Variants in LMO7 observed in about 807,000 individuals in gnomAD.
The protein encoded by LMO7 is LIM domain only protein 7.
LMO7 carries 120 observed loss-of-function variants against 206.5 expected under a neutral mutation model. That is an observed-to-expected ratio of 0.58 (90% confidence interval 0.50 to 0.68). The LOEUF (loss-of-function observed/expected upper bound fraction) is 0.68, where lower values mean the gene tolerates loss of function less well. Ranked by LOEUF, LMO7 falls within the 30% of genes least tolerant of loss-of-function variation. The probability of loss-of-function intolerance (pLI) is 0.00; values close to 1 mark genes in which losing one functional copy is unlikely to be tolerated. For missense variants in LMO7, 1,959 were observed against 1,957.9 expected, an observed-to-expected ratio of 1.00 and a Z score of -0.01; for synonymous variants, 706 against 681.5, an observed-to-expected ratio of 1.04 and a Z score of -0.56.
chr13:75,683,565 G>A (rs1456939110), intron 1 of LMO7, among the ~76,000 whole-genome samples: 1 of 152,060 alleles, frequency 6.6e-6, no homozygotes, highest in Non-Finnish European at 1.5e-5. Context: ...AAACCCAAGG[G>A]CAATATCTTA....
rs2055708843 is a variant in LMO7 at position 75,807,546 on chromosome 13, C to A, written c.1263C>A (p.Thr421=). 1.2e-6 allele frequency: 2 copies of A among 1,613,732 alleles called. No individual in the cohort carries two copies. Among genetic ancestry groups the A allele is most frequent in the African/African-American group, 1.3e-5 (1 of 74,886 alleles). Residue 421 remains threonine, a synonymous_variant, in exon 10 of 31, where the codon ACC becomes ACA. Coordinates refer to ENST00000377534, the MANE Select transcript of LMO7 (RefSeq NM_001306080.2). ...ACATCTTGTCTTCTGAAACACATAC[C>A]AAAATTGATCCCACTTCTGGCCCAA... is the stretch of plus-strand genomic sequence containing the variant. ...SDDILSSETH[T]KIDPTSGPRL... is the part of the protein sequence containing the mutation.
intron 4 of LMO7, among the ~76,000 whole-genome samples, chr13:75,763,344 A>C (rs1412162786): frequency 2.0e-5 from 3 of 152,142 alleles, no homozygotes; most frequent in African/African-American, 7.2e-5. Flanking sequence ...TTAGATTTAG[A>C]ATTTCTTGTT....
intron 1 of LMO7, among the ~76,000 whole-genome samples, chr13:75,641,319 T>C (rs1250777487): frequency 3.9e-5 from 6 of 152,236 alleles, no homozygotes; most frequent in Non-Finnish European, 7.3e-5. Flanking sequence ...AATCTTGAAG[T>C]TGCAGACAGC....
At chr13:75,800,541 G>T (rs2140919099) in intron 6 of LMO7, 143 bp from the exon 7 acceptor site, 3 of 676,178 alleles carry the variant, frequency 4.4e-6, no homozygotes, top group Non-Finnish European at 7.5e-6. Flanking sequence ...TCAGCTTTTT[G>T]CTGTGTCCGA....
chr13:75,670,595 T>G (rs1033627831), intron 1 of LMO7, among the ~76,000 whole-genome samples: 1 of 152,126 alleles, frequency 6.6e-6, no homozygotes, highest in African/African-American at 2.4e-5. Flanking sequence ...AAAGGTACAG[T>G]AGAAATATGG....
At chr13:75,829,726 T>C (rs985015596) in intron 15 of LMO7, among the ~76,000 whole-genome samples, 6 of 152,122 alleles carry the variant, frequency 3.9e-5, no homozygotes, top group Non-Finnish European at 5.9e-5. Flanking sequence ...TCTATCTATG[T>C]TGACATGAAA....
chr13:75,763,242 G>A (rs774770577), intron 4 of LMO7, among the ~76,000 whole-genome samples: 6 of 152,086 alleles, frequency 3.9e-5, no homozygotes, highest in Non-Finnish European at 7.4e-5. Context: ...CAGGGATGCT[G>A]CTGAATACAC....
At chr13:75,756,763 A>G (rs1008994652) in intron 3 of LMO7, among the ~76,000 whole-genome samples, 1 of 152,214 alleles carries the variant, frequency 6.6e-6, no homozygotes, top group East Asian at 1.9e-4. Flanking sequence ...CTTAAGGGCC[A>G]TACTTAAGGA....
intron 1 of LMO7, among the ~76,000 whole-genome samples, chr13:75,687,536 A>G (rs2041117341): frequency 6.6e-6 from 1 of 151,668 alleles, no homozygotes; most frequent in Non-Finnish European, 1.5e-5. Context: ...TTTCACTCAA[A>G]CTTTTTTTTT....
At chr13:75,797,693 C>A (rs2054208307) in intron 6 of LMO7, among the ~76,000 whole-genome samples, 1 of 152,182 alleles carries the variant, frequency 6.6e-6, no homozygotes, top group Non-Finnish European at 1.5e-5. Context: ...CCTTGGCTTG[C>A]ACCTACCCTG....
chr13:75,790,017 A>C (rs1177398718), intron 4 of LMO7, among the ~76,000 whole-genome samples: 1 of 152,142 alleles, frequency 6.6e-6, no homozygotes, highest in Non-Finnish European at 1.5e-5. Context: ...AAGTTTGGAC[A>C]ATGCTAATAA....
chr13:75,832,419 T>G (rs2058747169), intron 15 of LMO7, among the ~76,000 whole-genome samples: 1 of 152,204 alleles, frequency 6.6e-6, no homozygotes, highest in Admixed American at 6.5e-5. Flanking sequence ...TCTTGGTATC[T>G]TAAGGAGTAA....
At chr13:75,761,086 G>A in intron 4 of LMO7, 48 bp downstream of exon 4, 2 of 1,177,900 alleles carry the variant, frequency 1.7e-6, no homozygotes, top group Non-Finnish European at 2.4e-6. Context: ...TTTAAACTTA[G>A]GGCTTGTAGC....
At chr13:75,827,692 T>C (rs1440013693) in intron 15 of LMO7, among the ~76,000 whole-genome samples, 1 of 152,166 alleles carries the variant, frequency 6.6e-6, no homozygotes, top group Non-Finnish European at 1.5e-5. Context: ...TTCATGATTT[T>C]CCCCAAAATT....
At chr13:75,697,871 T>A (rs1349064070) in intron 1 of LMO7, among the ~76,000 whole-genome samples, 1 of 152,188 alleles carries the variant, frequency 6.6e-6, no homozygotes, top group Admixed American at 6.5e-5. Flanking sequence ...TTTGTTGAGA[T>A]CGCTTAAGGC....
At chr13:75,692,739 C>T (rs913835271) in intron 1 of LMO7, among the ~76,000 whole-genome samples, 2 of 152,214 alleles carry the variant, frequency 1.3e-5, no homozygotes, top group South Asian at 2.1e-4. Context: ...AGCTTCACTT[C>T]ATACCAGTTA....
chr13:75,802,059 TA>T (rs1157110749), intron 7 of LMO7, among the ~76,000 whole-genome samples: 1 of 152,202 alleles, frequency 6.6e-6, no homozygotes, highest in African/African-American at 2.4e-5. Flanking sequence ...TTGTCCTAAA[TA>T]CTTCAGTATG....
intron 4 of LMO7, among the ~76,000 whole-genome samples, chr13:75,781,180 G>T (rs1303378780): frequency 1.4e-5 from 2 of 140,364 alleles, no homozygotes; most frequent in Admixed American, 7.7e-5. Context: ...ACATTGTGCA[G>T]GTTAGCTACA....
At chr13:75,802,586 C>T (rs942514410) in intron 7 of LMO7, among the ~76,000 whole-genome samples, 4 of 152,182 alleles carry the variant, frequency 2.6e-5, no homozygotes, top group Admixed American at 2.0e-4. Flanking sequence ...TCTAAGTCGT[C>T]TTCTCAGATC....
Sources: gnomAD v4.1 joint callset for allele counts (sites outside exome capture counted in the v4.1 genomes callset) on GRCh38, gnomAD v4.1.1 for gene constraint, MANE v1.5 for transcripts, NCBI Gene and HGNC (gene_info 2026-07-23, HGNC 2026-07-21) for gene names.